MACROD2: variants seen among roughly 807,000 people sequenced by gnomAD.
MACROD2 encodes the protein ADP-ribose glycohydrolase MACROD2.
A neutral mutation model predicts 70.4 loss-of-function variants in MACROD2; 36 were observed. The observed-to-expected ratio is 0.51, with a 90% CI of 0.39 to 0.68. The LOEUF (loss-of-function observed/expected upper bound fraction) is 0.68, where lower values mean the gene tolerates loss of function less well. Ranked by LOEUF, MACROD2 falls within the 30% of genes least tolerant of loss-of-function variation. The pLI, the probability that MACROD2 is intolerant of heterozygous loss-of-function variation, is 0.00. For missense variants in MACROD2, 496 were observed against 538.4 expected (o/e 0.92, Z 0.78); for synonymous variants, 172 against 178.8 (o/e 0.96, Z 0.30).
At chr20:14,680,475 AAAT>A (rs2070918715) in intron 4 of MACROD2, among the ~76,000 whole-genome samples, 1 of 152,160 alleles carries the variant, frequency 6.6e-6, no homozygotes. Context: ...ACTTAAGAAA[AAAT>A]TGAAATAGAC....
At chr20:15,853,084 T>C (rs1033849960) in intron 8 of MACROD2, among the ~76,000 whole-genome samples, 1 of 152,172 alleles carries the variant, frequency 6.6e-6, no homozygotes, top group Non-Finnish European at 1.5e-5. Context: ...CCTGATATTC[T>C]CATCTGGCTA....
intron 5 of MACROD2, among the ~76,000 whole-genome samples, chr20:15,064,816 T>TA (rs1213235458): frequency 6.6e-6 from 1 of 152,210 alleles, no homozygotes; most frequent in African/African-American, 2.4e-5. Flanking sequence ...TGTATGCACT[T>TA]ATGTCCAAGT....
At chr20:14,196,617 A>G (rs763242212) in intron 3 of MACROD2, among the ~76,000 whole-genome samples, 1 of 152,192 alleles carries the variant, frequency 6.6e-6, no homozygotes, top group African/African-American at 2.4e-5. Flanking sequence ...AATAAAAGGG[A>G]GAGTGTAGAA....
At chr20:15,253,207 T>C (rs1052169698) in intron 6 of MACROD2, among the ~76,000 whole-genome samples, 1 of 152,162 alleles carries the variant, frequency 6.6e-6, no homozygotes, top group Non-Finnish European at 1.5e-5. Context: ...TCGGTGTGGC[T>C]ACCACTGCTG....
At chr20:14,316,905 T>C (rs894786048) in intron 3 of MACROD2, among the ~76,000 whole-genome samples, 1 of 152,124 alleles carries the variant, frequency 6.6e-6, no homozygotes, top group Non-Finnish European at 1.5e-5. Flanking sequence ...TCTCCTCCTC[T>C]TTTACTTACT....
intron 5 of MACROD2, among the ~76,000 whole-genome samples, chr20:15,169,414 T>G (rs1224254313): frequency 6.6e-6 from 1 of 151,588 alleles, no homozygotes; most frequent in African/African-American, 2.4e-5. Context: ...TTTTATAGTC[T>G]TTTTTGGCCT....
intron 2 of MACROD2, among the ~76,000 whole-genome samples, chr20:14,047,560 T>C (rs550520067): frequency 2.6e-5 from 4 of 152,264 alleles, no homozygotes; most frequent in South Asian, 2.1e-4. Flanking sequence ...AATTTTTTTT[T>C]CCTTAAGCTG....
intron 3 of MACROD2, among the ~76,000 whole-genome samples, chr20:14,210,954 A>T (rs536702722): frequency 2.0e-5 from 3 of 152,292 alleles, no homozygotes; most frequent in East Asian, 3.9e-4. Flanking sequence ...GACGCTTAGG[A>T]TTACATGGTT....
At chr20:14,581,301 C>T (rs1355417082) in intron 4 of MACROD2, among the ~76,000 whole-genome samples, 1 of 152,212 alleles carries the variant, frequency 6.6e-6, no homozygotes, top group Admixed American at 6.5e-5. Flanking sequence ...TCTAGCCACA[C>T]TCCAGACCAA....
intron 8 of MACROD2, among the ~76,000 whole-genome samples, chr20:15,713,987 G>GCACACACGCACGCA (rs1555868660): frequency 6.8e-5 from 8 of 117,698 alleles, no homozygotes; most frequent in African/African-American, 2.3e-4. Flanking sequence ...ACACACATAT[G>GCACACACGCACGCA]CACACACACA....
intron 6 of MACROD2, among the ~76,000 whole-genome samples, chr20:15,256,929 GA>G (rs113291571): frequency 6.5e-4 from 98 of 150,598 alleles, no homozygotes; most frequent in African/African-American, 2.2e-3. Context: ...CCTATTTTCG[GA>G]AAAAAAAATT....
chr20:14,459,407 C>T (rs976582406), intron 3 of MACROD2, among the ~76,000 whole-genome samples: 3 of 151,844 alleles, frequency 2.0e-5, no homozygotes, highest in African/African-American at 7.3e-5. Context: ...AAAAAGTACA[C>T]ATTTTTGTAT....
chr20:14,277,164 G>C (rs2122387549), intron 3 of MACROD2, among the ~76,000 whole-genome samples: 1 of 152,124 alleles, frequency 6.6e-6, no homozygotes, highest in South Asian at 2.1e-4. Flanking sequence ...AAAATTAACT[G>C]GGCATGGTGG....
At chr20:15,873,688 AGAAGGAAG>A (rs530304658) in intron 9 of MACROD2, among the ~76,000 whole-genome samples, 5 of 151,972 alleles carry the variant, frequency 3.3e-5, no homozygotes, top group Non-Finnish European at 7.4e-5. Flanking sequence ...TAAAAAAGAA[AGAAGGAAG>A]GAAGGAAGGA....
intron 5 of MACROD2, among the ~76,000 whole-genome samples, chr20:14,862,658 T>TATATATATAAATATATATAA (rs1429073788): frequency 2.2e-5 from 1 of 45,488 alleles, no homozygotes; most frequent in Admixed American, 4.4e-4. Context: ...TATATATAAA[T>TATATATATAAATATATATAA]ATATATATAA....
chr20:14,192,517 T>C (rs1280804066), intron 3 of MACROD2, among the ~76,000 whole-genome samples: 1 of 152,186 alleles, frequency 6.6e-6, no homozygotes, highest in African/African-American at 2.4e-5. Flanking sequence ...GAAGAGGCAC[T>C]GGTCCTACAC....
intron 12 of MACROD2, among the ~76,000 whole-genome samples, chr20:15,942,943 C>G (rs1321515059): frequency 6.6e-6 from 1 of 152,280 alleles, no homozygotes; most frequent in East Asian, 1.9e-4. Context: ...TCAATTAATA[C>G]TCAGGTGCAT....
chr20:14,932,809 G>T (rs985323023), intron 5 of MACROD2, among the ~76,000 whole-genome samples: 4 of 151,944 alleles, frequency 2.6e-5, no homozygotes, highest in African/African-American at 9.7e-5. Flanking sequence ...CTCCTGATCT[G>T]CCCGCCTCGG....
intron 10 of MACROD2, among the ~76,000 whole-genome samples, chr20:15,930,155 C>T (rs1180616202): frequency 1.3e-5 from 2 of 152,054 alleles, no homozygotes; most frequent in Non-Finnish European, 2.9e-5. Context: ...TTTTAAAATC[C>T]CTTCTGGAAA....
Sources: gnomAD v4.1 joint callset for allele counts (sites outside exome capture counted in the v4.1 genomes callset) on GRCh38, gnomAD v4.1.1 for gene constraint, MANE v1.5 for transcripts, NCBI Gene and HGNC (gene_info 2026-07-23, HGNC 2026-07-21) for gene names.